Variants in PCSK6 observed in about 807,000 individuals in gnomAD.
PCSK6 encodes the protein proprotein convertase subtilisin/kexin type 6.
Under a neutral mutation model 123.3 loss-of-function variants are expected in PCSK6, and 85 were observed. The observed-to-expected ratio is 0.69, with a 90% CI of 0.58 to 0.83. PCSK6 has a LOEUF of 0.83. Ranked by LOEUF, PCSK6 falls within the 40% of genes least tolerant of loss-of-function variation. PCSK6 has a pLI of 0.00. For synonymous variants in PCSK6, 508 were observed against 516.0 expected (o/e 0.98, Z 0.21); for missense variants, 1,191 against 1,282.3 (o/e 0.93, Z 1.09).
At chr15:101,401,749 G>A (rs971712599) in intron 6 of PCSK6, among the ~76,000 whole-genome samples, 11 of 152,328 alleles carry the variant, frequency 7.2e-5, no homozygotes, top group Middle Eastern at 3.4e-3. Context: ...AGCATTCAAC[G>A]TGTGTGTTTG....
chr15:101,324,923 G>T lies in PCSK6; in HGVS notation c.2304C>A (p.Arg768=). The T allele has an allele frequency of 6.2e-7, 1 of 1,613,562 alleles. No individual in the cohort carries two copies. The highest frequency in any genetic ancestry group is 8.5e-7 in the Non-Finnish European group (1 of 1,179,882). The change falls in exon 17 of 22, where the codon CGC becomes CGA. Residue 768 remains arginine, a synonymous_variant. Coordinates refer to ENST00000611716, the MANE Select transcript of PCSK6 (RefSeq NM_002570.5). ...TCTCCTGGTGGTGATAGAACCCGCG[G>T]CGGCAAGACAGGCACTGCGTCGCAG... ...SRAATQCLSC[R]RGFYHHQEMN...
At chr15:101,409,387 C>T (rs2042873333) in intron 6 of PCSK6, among the ~76,000 whole-genome samples, 1 of 152,110 alleles carries the variant, frequency 6.6e-6, no homozygotes, top group Non-Finnish European at 1.5e-5. Flanking sequence ...AGATCGAGAC[C>T]ATCCTGGCTA....
Position 101,431,317 on chromosome 15 carries a change from T to C in PCSK6, c.657+3A>G, listed in dbSNP as rs1434934162. On this transcript the variant is annotated splice_donor_region_variant and intron_variant, in intron 4 of 21. Coordinates refer to ENST00000611716, the MANE Select transcript of PCSK6 (RefSeq NM_002570.5). The stretch of plus-strand genomic sequence containing the variant: ...TGCATGTCAGTTCCGAGGATTGACT[T>C]ACATAATTTGGGGCCAGGTCAGGGT... The C allele has an allele frequency of 6.2e-7, 1 of 1,613,914 alleles. No individual in the cohort carries two copies. The highest frequency in any genetic ancestry group is 1.7e-5 in the Admixed American group (1 of 60,016).
intron 6 of PCSK6, among the ~76,000 whole-genome samples, chr15:101,405,728 T>C (rs2042755405): frequency 6.6e-6 from 1 of 151,834 alleles, no homozygotes; most frequent in South Asian, 2.1e-4. Flanking sequence ...TGACCTGTCT[T>C]TCCTCCATTT....
At chr15:101,353,418 TA>T (rs1393306730) in intron 13 of PCSK6, among the ~76,000 whole-genome samples, 1 of 152,108 alleles carries the variant, frequency 6.6e-6, no homozygotes, top group African/African-American at 2.4e-5. Flanking sequence ...TCCTGCTGTG[TA>T]GTCTAGTCCC....
rs764484511 is a variant in PCSK6 at position 101,389,507 on chromosome 15, CAG to C, written c.1265_1266del (p.Ser422CysfsTer49). The C allele has an allele frequency of 6.2e-7, 1 of 1,613,506 alleles. No homozygotes were observed. The highest frequency in any genetic ancestry group is 2.2e-5 in the East Asian group (1 of 44,880). ...CTDGHTGTSV[S>X]APMVAGIIAL... ...GCGATGATGCCCGCCACCATGGGGG[CAG>C]AGACTGAGGTCCCAGTGTGGCCATC... is the stretch of plus-strand genomic sequence containing the variant. On this transcript the variant is annotated frameshift_variant, in exon 9 of 22. Coordinates refer to ENST00000611716, the MANE Select transcript of PCSK6 (RefSeq NM_002570.5). LOFTEE classifies it high-confidence loss of function.
At chr15:101,457,869 T>C (rs1362441888) in intron 1 of PCSK6, among the ~76,000 whole-genome samples, 1 of 152,234 alleles carries the variant, frequency 6.6e-6, no homozygotes, top group Non-Finnish European at 1.5e-5. Flanking sequence ...AATTCCAGAC[T>C]GAAACATTTT....
At chr15:101,310,763 G>C (rs2039838564) in intron 20 of PCSK6, among the ~76,000 whole-genome samples, 1 of 152,132 alleles carries the variant, frequency 6.6e-6, no homozygotes, top group Non-Finnish European at 1.5e-5. Context: ...AGGGGAATAG[G>C]TTACAACCCA....
At chr15:101,352,501 A>C (rs1040807453) in intron 13 of PCSK6, among the ~76,000 whole-genome samples, 1 of 152,084 alleles carries the variant, frequency 6.6e-6, no homozygotes, top group Non-Finnish European at 1.5e-5. Flanking sequence ...CAAGATAATT[A>C]TTTTCTTTCC....
At chr15:101,335,660 C>T (rs1477093547) in intron 13 of PCSK6, among the ~76,000 whole-genome samples, 1 of 152,256 alleles carries the variant, frequency 6.6e-6, no homozygotes, top group Non-Finnish European at 1.5e-5. Flanking sequence ...CCTTCCATGG[C>T]TGCACAGGAG....
chr15:101,413,894 A>G (rs1354493980), intron 6 of PCSK6, among the ~76,000 whole-genome samples: 6 of 152,224 alleles, frequency 3.9e-5, no homozygotes, highest in Admixed American at 3.9e-4. Context: ...ATTTTTATAA[A>G]AGAAAAATAA....
rs147844008 is a variant in PCSK6 at position 101,390,202 on chromosome 15, C to T, written c.1210-638G>A. Among the ~76,000 whole-genome samples, 70 of 152,054 alleles carry T rather than the reference C, an allele frequency of 4.6e-4. No individual in the cohort carries two copies. The East Asian group carries it at 7.3e-3, about 16-fold the overall frequency. On this transcript the variant is annotated intron_variant, in intron 8 of 21. Transcript: ENST00000611716. ...ACCGCTAGCTGGGGGCTCTGCCTGC[C>T]CTCCTCGGAGGCACTGGCCCAGGCT...
intron 13 of PCSK6, among the ~76,000 whole-genome samples, chr15:101,344,179 ATCT>A (rs2040682259): frequency 6.6e-6 from 1 of 152,146 alleles, no homozygotes; most frequent in Non-Finnish European, 1.5e-5. Context: ...AGATATTTGC[ATCT>A]TCTATTATTA....
chr15:101,457,952 G>C (rs2057232555), intron 1 of PCSK6, among the ~76,000 whole-genome samples: 1 of 152,102 alleles, frequency 6.6e-6, no homozygotes, highest in African/African-American at 2.4e-5. Flanking sequence ...CATTCCATCT[G>C]ATGTTTGCTT....
chr15:101,361,956 CTTTTTTTTT>C (rs10639429), intron 13 of PCSK6, among the ~76,000 whole-genome samples: 2 of 111,534 alleles, frequency 1.8e-5, no homozygotes, highest in South Asian at 6.3e-4. Flanking sequence ...CAAGGTGAAG[CTTTTTTTTT>C]TTTTTTTTTG....
intron 19 of PCSK6, among the ~76,000 whole-genome samples, chr15:101,315,231 C>T (rs1393124435): frequency 6.6e-6 from 1 of 152,178 alleles, no homozygotes; most frequent in Non-Finnish European, 1.5e-5. Flanking sequence ...TCACTTAATG[C>T]CACCGAACTG....
intron 1 of PCSK6, among the ~76,000 whole-genome samples, chr15:101,474,691 G>A (rs577389921): frequency 1.3e-5 from 2 of 152,222 alleles, no homozygotes; most frequent in South Asian, 2.1e-4. Flanking sequence ...GCTCAGTGCT[G>A]CAGAAGACTA....
chr15:101,419,320 A>G (rs1205712672), intron 6 of PCSK6, among the ~76,000 whole-genome samples: 1 of 152,198 alleles, frequency 6.6e-6, no homozygotes, highest in Admixed American at 6.5e-5. Context: ...CCAATTAGAA[A>G]TACAAATTTT....
chr15:101,485,544 T>A (rs751191600), intron 1 of PCSK6, among the ~76,000 whole-genome samples: 20 of 152,356 alleles, frequency 1.3e-4, no homozygotes, highest in Non-Finnish European at 2.6e-4. Flanking sequence ...ATATACAGTC[T>A]TTAATCCCAT....
Sources: allele counts gnomAD v4.1 joint callset (sites outside exome capture counted in the v4.1 genomes callset), GRCh38; gene constraint gnomAD v4.1.1; transcripts MANE v1.5; gene names NCBI Gene and HGNC (gene_info 2026-07-23, HGNC 2026-07-21).